The following NRG1 variants were observed in gnomAD, a reference collection of about 807,000 sequenced individuals.
The protein encoded by NRG1 is neuregulin 1.
In NRG1, 18 loss-of-function variants were observed where a neutral mutation model predicts 63.8. The ratio of observed to expected loss-of-function variants is 0.28; its 90% CI spans 0.19 to 0.42. The LOEUF (loss-of-function observed/expected upper bound fraction) is 0.42. NRG1 is among the 10% of genes least tolerant of loss of function. NRG1 has a pLI of 1.00. For synonymous variants in NRG1, 302 were observed against 301.3 expected (o/e 1.00, Z -0.02); for missense variants, 762 against 814.7 (o/e 0.94, Z 0.79).
intron 1 of NRG1, among the ~76,000 whole-genome samples, chr8:32,503,487 C>T (rs1253050066): frequency 2.0e-5 from 3 of 151,890 alleles, no homozygotes; most frequent in Non-Finnish European, 2.9e-5. Flanking sequence ...TACTATAAAA[C>T]AGTTATTGTT....
chr8:31,729,640 T>C (rs1813817323), intron 1 of NRG1, among the ~76,000 whole-genome samples: 1 of 152,162 alleles, frequency 6.6e-6, no homozygotes, highest in South Asian at 2.1e-4. Context: ...TTTTGTATCA[T>C]TTACTTATGC....
intron 1 of NRG1, among the ~76,000 whole-genome samples, chr8:32,583,141 C>G (rs1333065936): frequency 6.6e-6 from 1 of 151,914 alleles, no homozygotes; most frequent in African/African-American, 2.4e-5. Context: ...ATTTATATAA[C>G]CTAACATTTT....
rs182022745 is a variant in NRG1 at position 32,297,240 on chromosome 8, G to A, written c.38-298588G>A. 1.6e-4 allele frequency among the ~76,000 whole-genome samples: 25 copies of A among 152,106 alleles called. 1 individual carries two copies. In the East Asian group the frequency reaches 4.5e-3, roughly 27 times the overall value. The stretch of plus-strand genomic sequence containing the variant: ...TCTGTAAAATCCTGGGAAAATCAAG[G>A]CAAGTTCATAGTGATCTATGAGTAA... On this transcript the variant is annotated intron_variant, in intron 1 of 10. Coordinates refer to the NRG1 transcript ENST00000519301.
At chr8:31,858,229 G>C (rs1563492565) in intron 1 of NRG1, among the ~76,000 whole-genome samples, 1 of 151,936 alleles carries the variant, frequency 6.6e-6, no homozygotes, top group Non-Finnish European at 1.5e-5. Context: ...AAACTGGGAG[G>C]TGGAGCTTGC....
At chr8:32,418,936 A>G (rs1333097411) in intron 1 of NRG1, among the ~76,000 whole-genome samples, 2 of 152,190 alleles carry the variant, frequency 1.3e-5, no homozygotes, top group South Asian at 2.1e-4. Context: ...AACATTTATG[A>G]AAACAGAATA....
chr8:32,592,918 C>T (rs897777285), intron 1 of NRG1, among the ~76,000 whole-genome samples: 19 of 151,984 alleles, frequency 1.3e-4, no homozygotes, highest in African/African-American at 4.4e-4. Context: ...GAAGTCTTAT[C>T]GATCACACAA....
At chr8:31,711,842 AATG>A (rs1426059382) in intron 1 of NRG1, among the ~76,000 whole-genome samples, 1 of 152,150 alleles carries the variant, frequency 6.6e-6, no homozygotes, top group Non-Finnish European at 1.5e-5. Context: ...ATCCTCACGT[AATG>A]GAAGGAGCAA....
chr8:32,704,182 A>G (rs905297215), intron 5 of NRG1, among the ~76,000 whole-genome samples: 2 of 152,192 alleles, frequency 1.3e-5, no homozygotes, highest in Non-Finnish European at 2.9e-5. Context: ...TCTATCTCCC[A>G]TCTCCCAATG....
At chr8:32,718,949 C>A (rs555265848) in intron 5 of NRG1, among the ~76,000 whole-genome samples, 1 of 152,022 alleles carries the variant, frequency 6.6e-6, no homozygotes, top group African/African-American at 2.4e-5. Flanking sequence ...ATCTCCAGAT[C>A]GTGATTATTT....
intron 1 of NRG1, among the ~76,000 whole-genome samples, chr8:31,976,054 C>A (rs1405422271): frequency 6.6e-6 from 1 of 152,124 alleles, no homozygotes; most frequent in Non-Finnish European, 1.5e-5. Flanking sequence ...GTGACTACAA[C>A]AGAACTAGGA....
At chr8:31,746,538 C>G (rs1206883916) in intron 1 of NRG1, among the ~76,000 whole-genome samples, 2 of 152,030 alleles carry the variant, frequency 1.3e-5, no homozygotes, top group East Asian at 3.9e-4. Flanking sequence ...ATTACAAATA[C>G]TTTATCTTGC....
intron 1 of NRG1, among the ~76,000 whole-genome samples, chr8:32,062,210 G>A (rs555078419): frequency 6.6e-6 from 1 of 152,074 alleles, no homozygotes; most frequent in African/African-American, 2.4e-5. Context: ...TGCTTGGAAC[G>A]AAGTGTGCCT....
chr8:32,412,423 C>CATAT lies in NRG1; in HGVS notation c.38-183379_38-183376dup, dbSNP rs1178545836. Among the ~76,000 whole-genome samples the CATAT allele has an allele frequency of 2.5e-4, 23 of 93,020 alleles. 1 individual carries two copies. Among genetic ancestry groups the CATAT allele is most frequent in the African/African-American group, 5.4e-4 (13 of 24,272 alleles). The allele number at this position is 93,020 out of a possible 152,430, so 61.0% of individuals were successfully genotyped here. The stretch of plus-strand genomic sequence containing the variant: ...TCCTCTCTCTCTCTCTCTCTCTCTA[C>CATAT]ATATATATATATATATATATATATA... On this transcript the variant is annotated intron_variant, in intron 1 of 10. Transcript: ENST00000519301.
At chr8:32,480,844 T>C (rs537421067) in intron 1 of NRG1, among the ~76,000 whole-genome samples, 17 of 152,248 alleles carry the variant, frequency 1.1e-4, no homozygotes, top group African/African-American at 3.4e-4. Context: ...TCACTCATTA[T>C]CGTGAGAACA....
intron 1 of NRG1, among the ~76,000 whole-genome samples, chr8:31,814,037 GT>G (rs1823196960): frequency 6.6e-6 from 1 of 152,112 alleles, no homozygotes; most frequent in South Asian, 2.1e-4. Context: ...CAAAAGCAGT[GT>G]TTTCAGCACC....
intron 1 of NRG1, among the ~76,000 whole-genome samples, chr8:31,893,461 A>C (rs992006219): frequency 2.6e-5 from 4 of 151,556 alleles, no homozygotes; most frequent in African/African-American, 9.7e-5. Flanking sequence ...TTGCTATATA[A>C]ATGGTAAACG....
chr8:32,027,448 CCTTCCTTCCT>C (rs1563695864), intron 1 of NRG1, among the ~76,000 whole-genome samples: 27 of 131,644 alleles, frequency 2.1e-4, no homozygotes, highest in East Asian at 6.5e-4. Flanking sequence ...TTCCTTCCTT[CCTTCCTTCCT>C]TCCTTCCTTC....
chr8:31,689,228 A>G (rs1478743590), intron 1 of NRG1, among the ~76,000 whole-genome samples: 1 of 152,096 alleles, frequency 6.6e-6, no homozygotes, highest in Non-Finnish European at 1.5e-5. Flanking sequence ...TAACACATTC[A>G]TAGGTTCTAG....
intron 1 of NRG1, among the ~76,000 whole-genome samples, chr8:32,112,492 A>G (rs1267542954): frequency 6.6e-6 from 1 of 152,190 alleles, no homozygotes; most frequent in African/African-American, 2.4e-5. Context: ...ATATTTTCTT[A>G]TTTCCTTCTT....
Sources: gnomAD v4.1 joint callset for allele counts (sites outside exome capture counted in the v4.1 genomes callset) on GRCh38, gnomAD v4.1.1 for gene constraint, MANE v1.5 for transcripts, NCBI Gene and HGNC (gene_info 2026-07-23, HGNC 2026-07-21) for gene names.